Variants in RBM23 observed in about 807,000 individuals in gnomAD.
RBM23 encodes RNA binding motif protein 23, also known as probable RNA-binding protein 23.
RBM23 carries 53 observed loss-of-function variants against 56.2 expected under a neutral mutation model. That is an observed-to-expected ratio of 0.94 (90% CI 0.76 to 1.19). RBM23 has a LOEUF of 1.19. RBM23 is among the 50% of genes most tolerant of loss of function. RBM23 has a pLI of 0.00. For synonymous variants in RBM23, 197 were observed against 198.5 expected, an observed-to-expected ratio of 0.99 and a Z score of 0.06; for missense variants, 642 against 590.3, an observed-to-expected ratio of 1.09 and a Z score of -0.91.
rs1307612022 is a variant in RBM23, at chr14:22,900,722, CCACA to C, written c.*1004_*1007del. The C allele has an allele frequency of 6.6e-6, 1 of 152,068 alleles. No individual in the cohort carries two copies. Among genetic ancestry groups the C allele is most frequent in the Non-Finnish European group, 1.5e-5 (1 of 68,032 alleles). 9.4% of individuals were successfully genotyped at this position (152,068 alleles called of 1,614,324 possible). On this transcript the variant is annotated 3_prime_UTR_variant, in exon 14 of 14. Transcript: ENST00000359890. ...GAAGTTGTCAGACACACAACAAAGACCACACACAAATGGGCAACAGCTGCCACAA... is the reference window on the plus strand; with the variant it reads ...GAAGTTGTCAGACACACAACAAAGACCACAAATGGGCAACAGCTGCCACAA...
chr14:22,914,597 CCATTAAATGTACCT>C, intron 1 of RBM23, among the ~76,000 whole-genome samples: 1 of 151,916 alleles, frequency 6.6e-6, no homozygotes, highest in East Asian at 1.9e-4. Flanking sequence ...TATCGTGTGC[CCATTAAATGTACCT>C]CAATCATGCC....
intron 9 of RBM23, 123 bp downstream of exon 9, chr14:22,904,752 T>TA (rs1386196116): frequency 5.0e-6 from 7 of 1,403,676 alleles, no homozygotes; most frequent in Non-Finnish European, 6.8e-6. Context: ...CATAGACTCA[T>TA]ATGCCCACTA....
chr14:22,900,284 A>C lies in RBM23; in HGVS notation c.*1446T>G, dbSNP rs1237688188. 6.6e-6 allele frequency: 1 copy of C among 152,148 alleles called. No individual in the cohort carries two copies. Among genetic ancestry groups the C allele is most frequent in the Non-Finnish European group, 1.5e-5 (1 of 68,054 alleles). The allele number at this position is 152,148 out of a possible 1,614,324, so 9.4% of individuals were successfully genotyped here. On this transcript the variant is annotated 3_prime_UTR_variant, in exon 14 of 14. Coordinates refer to ENST00000359890, the MANE Select transcript of RBM23 (RefSeq NM_001077351.2). ...GGCAGGTACAAAGGCCAATAGAGTT[A>C]AGAAAGCTCAGCTTAGCTCTGGTAC...
At position 22,897,625 on chromosome 14, in the gene RBM23, TCAAGA is replaced by T. The variant is rs1244107635; in HGVS notation, c.*4100_*4104del. The T allele has an allele frequency of 6.6e-6, 1 of 152,130 alleles. No individual in the cohort carries two copies. Among genetic ancestry groups the T allele is most frequent in the Admixed American group, 6.5e-5 (1 of 15,274 alleles). 9.4% of individuals were successfully genotyped at this position (152,130 alleles called of 1,614,324 possible). A position where few individuals can be genotyped will look rare whatever the true frequency, so the allele number is the denominator to read the frequency against. ...AAGGTTCACCCACAAACACTGTCACTCAAGATAAGCAAAGACATGGCAGTGGAAAA... is the reference window on the plus strand; with the variant it reads ...AAGGTTCACCCACAAACACTGTCACTTAAGCAAAGACATGGCAGTGGAAAA... On this transcript the variant is annotated 3_prime_UTR_variant, in exon 14 of 14. Transcript: ENST00000359890.
At chr14:22,902,979 A>G (rs1203837540) in intron 10 of RBM23, 6 of 730,186 alleles carry the variant, frequency 8.2e-6, no homozygotes, top group Non-Finnish European at 8.4e-6. Flanking sequence ...ATGGGGTTTC[A>G]CCACGTTGGT....
Position 22,901,895 on chromosome 14 carries a change from A to G in RBM23, c.1247-12T>C, listed in dbSNP as rs2040550410. ...GGCTGGACTCAGAGCTAGAACAAAG[A>G]CAGGCAGAGTGAGTGAGCAAGCACC... On this transcript the variant is annotated splice_polypyrimidine_tract_variant and intron_variant, in intron 12 of 13. Coordinates refer to ENST00000359890, the MANE Select transcript of RBM23 (RefSeq NM_001077351.2). 1 of 1,614,206 alleles carries G rather than the reference A, an allele frequency of 6.2e-7. No homozygotes were observed. The highest frequency in any genetic ancestry group is 8.5e-7 in the Non-Finnish European group (1 of 1,180,016).
chr14:22,906,395 G>T, intron 4 of RBM23, 27 bp from the exon 5 acceptor site: 1 of 1,610,132 alleles, frequency 6.2e-7, no homozygotes, highest in Non-Finnish European at 8.5e-7. Context: ...CTACAGTCAT[G>T]CCCACATCAT....
rs2043980627 is a variant in RBM23 at position 22,918,525 on chromosome 14, A to G, written c.-11+474T>C. ...TGGAATGAGTGCTTGAAAAAGTTAA[A>G]TGGGAAAAGCCCATAAAGGTCAACA... On this transcript the variant is annotated intron_variant, in intron 1 of 13. Transcript: ENST00000359890. 4.6e-5 allele frequency among the ~76,000 whole-genome samples: 7 copies of G among 152,316 alleles called. No individual in the cohort carries two copies. In the South Asian group the frequency reaches 1.5e-3, roughly 32 times the overall value.
In RBM23 at chr14:22,900,045, T is replaced by C. The variant is rs1322281846; in HGVS notation, c.*1685A>G. 3 of 152,078 alleles carry C rather than the reference T, an allele frequency of 2.0e-5. No homozygotes were observed. The highest frequency in any genetic ancestry group is 7.2e-5 in the African/African-American group (3 of 41,382). 9.4% of individuals were successfully genotyped at this position (152,078 alleles called of 1,614,324 possible). A position where few individuals can be genotyped will look rare whatever the true frequency, so the allele number is the denominator to read the frequency against. On this transcript the variant is annotated 3_prime_UTR_variant, in exon 14 of 14. Transcript: ENST00000359890. The stretch of plus-strand genomic sequence containing the variant: ...TATTAAGGCAGTGGTAGGTGCACCT[T>C]CCCTTTCACAGAGGTATTTCTGGAA...
intron 9 of RBM23, among the ~76,000 whole-genome samples, 181 bp from the exon 10 acceptor site, chr14:22,904,507 T>C (rs2041188443): frequency 6.6e-6 from 1 of 151,844 alleles, no homozygotes; most frequent in African/African-American, 2.4e-5. Context: ...TAGAAATATT[T>C]TGGTAAAAGG....
intron 1 of RBM23, among the ~76,000 whole-genome samples, chr14:22,914,194 G>T (rs1182006143): frequency 6.6e-6 from 1 of 151,856 alleles, no homozygotes; most frequent in Non-Finnish European, 1.5e-5. Context: ...GCATGGTGGC[G>T]CACGCCTGTT....
intron 4 of RBM23, 145 bp downstream of exon 4, chr14:22,908,188 T>A: frequency 1.2e-6 from 1 of 836,552 alleles, no homozygotes; most frequent in Non-Finnish European, 1.8e-6. Context: ...ACCTGGGTAA[T>A]TTTTAAATTT....
At chr14:22,905,514 A>C in intron 6 of RBM23, 61 bp from the exon 7 acceptor site, 3 of 1,599,214 alleles carry the variant, frequency 1.9e-6, no homozygotes, top group Non-Finnish European at 2.6e-6. Context: ...TCTCCAGCTA[A>C]CCCTCAAGTA....
In RBM23 at chr14:22,901,050, C is replaced by T. The variant is rs2040425574; in HGVS notation, c.*680G>A. 1 of 152,258 alleles carries T rather than the reference C, an allele frequency of 6.6e-6. No individual in the cohort carries two copies. The highest frequency in any genetic ancestry group is 2.4e-5 in the African/African-American group (1 of 41,442). 9.4% of individuals were successfully genotyped at this position (152,258 alleles called of 1,614,324 possible). ...GCATACTCCACCTTTTACTAAATTCCTGAAAGCCCCTAAATGCCTCACAGG... is the reference window on the plus strand; with the variant it reads ...GCATACTCCACCTTTTACTAAATTCTTGAAAGCCCCTAAATGCCTCACAGG... On this transcript the variant is annotated 3_prime_UTR_variant, in exon 14 of 14. Coordinates refer to ENST00000359890, the MANE Select transcript of RBM23 (RefSeq NM_001077351.2).
At chr14:22,903,584 T>C in intron 10 of RBM23, 1 of 989,444 alleles carries the variant, frequency 1.0e-6, no homozygotes. Context: ...GAATACAACC[T>C]ACTGCCCTCT....
intron 5 of RBM23, 160 bp downstream of exon 5, chr14:22,906,035 C>A (rs1291402663): frequency 4.8e-6 from 4 of 836,486 alleles, no homozygotes; most frequent in Non-Finnish European, 7.3e-6. Context: ...CAGGCATGAG[C>A]CACCACACCA....
At chr14:22,916,831 TAA>T in intron 1 of RBM23, among the ~76,000 whole-genome samples, 1 of 152,258 alleles carries the variant, frequency 6.6e-6, no homozygotes, top group Middle Eastern at 3.4e-3. Flanking sequence ...GGTATTAGAC[TAA>T]TATACACTAT....
intron 1 of RBM23, among the ~76,000 whole-genome samples, chr14:22,917,323 G>C (rs753950912): frequency 1.2e-4 from 19 of 152,192 alleles, no homozygotes; most frequent in Non-Finnish European, 2.4e-4. Flanking sequence ...GTGCTAATGC[G>C]GGGTAAGAAC....
In RBM23 at chr14:22,899,287, C is replaced by T. The variant is rs1015568674; in HGVS notation, c.*2443G>A. On this transcript the variant is annotated 3_prime_UTR_variant, in exon 14 of 14. Transcript: ENST00000359890. ...CCATGGTCCCTTTGTCTCATGTACT[C>T]ATTTCTACCTTGTGCCCTTCTGACA... 6.6e-6 allele frequency: 1 copy of T among 152,252 alleles called. No individual in the cohort carries two copies. Among genetic ancestry groups the T allele is most frequent in the African/African-American group, 2.4e-5 (1 of 41,444 alleles). The allele number at this position is 152,252 out of a possible 1,614,324, so 9.4% of individuals were successfully genotyped here.
Sources: allele counts gnomAD v4.1 joint callset (sites outside exome capture counted in the v4.1 genomes callset), GRCh38; gene constraint gnomAD v4.1.1; transcripts MANE v1.5; gene names NCBI Gene and HGNC (gene_info 2026-07-23, HGNC 2026-07-21).